The following BOLL variants were observed in gnomAD, a reference collection of about 807,000 sequenced individuals.
BOLL encodes boule RNA binding protein.
Under a neutral mutation model 44.4 loss-of-function variants are expected in BOLL, and 23 were observed. The ratio of observed to expected loss-of-function variants is 0.52; its 90% CI spans 0.37 to 0.73. The LOEUF (loss-of-function observed/expected upper bound fraction) is 0.73. Among genes scored for constraint, BOLL ranks in the 30% least tolerant of loss-of-function variants. The pLI is 0.00. For synonymous variants in BOLL, 97 were observed against 110.8 expected, an observed-to-expected ratio of 0.88 and a Z score of 0.78; for missense variants, 287 against 338.3, an observed-to-expected ratio of 0.85 and a Z score of 1.19.
chr2:197,782,834 T>C (rs1025562842), intron 1 of BOLL, among the ~76,000 whole-genome samples: 5 of 152,196 alleles, frequency 3.3e-5, no homozygotes, highest in African/African-American at 9.7e-5. Flanking sequence ...ACTGATTTTG[T>C]TAAAAAATTA....
chr2:197,754,071 G>T (rs1002721272), intron 9 of BOLL, among the ~76,000 whole-genome samples: 3 of 152,168 alleles, frequency 2.0e-5, no homozygotes, highest in Admixed American at 6.5e-5. Flanking sequence ...TCACTCATAA[G>T]TGGGAGTTGA....
At position 197,743,055 on chromosome 2, in the gene BOLL, T is replaced by C. The variant is rs780404273; in HGVS notation, c.828+6A>G. 1.3e-6 allele frequency: 2 copies of C among 1,550,590 alleles called. No homozygotes were observed. Among genetic ancestry groups the C allele is most frequent in the East Asian group, 2.3e-5 (1 of 43,438 alleles). ...ACAAAGTAAAAAGTCAAAACAAATT[T>C]CTTACTTTAATTGGCTCAGGCTGCA... On this transcript the variant is annotated splice_donor_region_variant and intron_variant, in intron 10 of 10. Transcript: ENST00000392296.
chr2:197,731,487 C>T (rs1451525519), intron 10 of BOLL, among the ~76,000 whole-genome samples: 1 of 141,006 alleles, frequency 7.1e-6, no homozygotes, highest in African/African-American at 2.8e-5. Context: ...ACAGAACTCT[C>T]CACCCCAAAT....
intron 2 of BOLL, among the ~76,000 whole-genome samples, chr2:197,780,609 TA>T (rs1484427682): frequency 6.6e-6 from 1 of 152,086 alleles, no homozygotes; most frequent in East Asian, 1.9e-4. Context: ...TTTCTTACTT[TA>T]TTTTTAGTGA....
chr2:197,734,443 C>T (rs934581178), intron 10 of BOLL, among the ~76,000 whole-genome samples: 1 of 152,120 alleles, frequency 6.6e-6, no homozygotes, highest in Non-Finnish European at 1.5e-5. Flanking sequence ...TACCATTTGA[C>T]CCAGCCATCC....
At chr2:197,751,984 G>A (rs1455547445) in intron 9 of BOLL, among the ~76,000 whole-genome samples, 2 of 152,116 alleles carry the variant, frequency 1.3e-5, no homozygotes, top group Non-Finnish European at 2.9e-5. Flanking sequence ...TGGGATGCAA[G>A]GCTGGTTCAA....
rs768223460 is a variant in BOLL, at chr2:197,728,510, T to C, written c.*45A>G. On this transcript the variant is annotated 3_prime_UTR_variant, in exon 11 of 11. Transcript: ENST00000392296. Reference sequence around the variant, plus strand: ...CTGGATCTCGGCCACGCAAGGATCATTGGACAAGAAATCAGTTGAGCTGGA... The same window carrying C: ...CTGGATCTCGGCCACGCAAGGATCACTGGACAAGAAATCAGTTGAGCTGGA... 1.8e-5 allele frequency: 29 copies of C among 1,614,030 alleles called. No individual in the cohort carries two copies. The South Asian group carries it at 2.6e-4, about 15-fold the overall frequency.
chr2:197,760,105 A>G (rs932661245), intron 7 of BOLL, among the ~76,000 whole-genome samples: 1 of 151,980 alleles, frequency 6.6e-6, no homozygotes, highest in Non-Finnish European at 1.5e-5. Flanking sequence ...GGCTGCTTCC[A>G]GTGGGCATGA....
chr2:197,782,474 C>T (rs1233371790), intron 1 of BOLL, among the ~76,000 whole-genome samples: 2 of 152,178 alleles, frequency 1.3e-5, no homozygotes, highest in Non-Finnish European at 2.9e-5. Flanking sequence ...AGCCTCGATC[C>T]ATTTTTCTTT....
intron 6 of BOLL, among the ~76,000 whole-genome samples, chr2:197,768,117 T>C (rs1341582288): frequency 1.3e-5 from 2 of 152,062 alleles, no homozygotes; most frequent in Admixed American, 1.3e-4. Flanking sequence ...GGAAATGTTA[T>C]TTAAAAAACA....
chr2:197,729,193 T>C lies in BOLL; in HGVS notation c.829-615A>G, dbSNP rs535745249. Among the ~76,000 whole-genome samples, 207 of 152,300 alleles carry C rather than the reference T, an allele frequency of 1.4e-3. 1 individual carries two copies. Among genetic ancestry groups the C allele is most frequent in the African/African-American group, 4.8e-3 (199 of 41,568 alleles). On this transcript the variant is annotated intron_variant, in intron 10 of 10. Coordinates refer to ENST00000392296, the MANE Select transcript of BOLL (RefSeq NM_033030.6). Reference sequence around the variant, plus strand: ...GCAAGGGGTCAGGGAGTTCCCTTTCTGAGTCAAAGAAAGGGGTGATGGACG... The same window carrying C: ...GCAAGGGGTCAGGGAGTTCCCTTTCCGAGTCAAAGAAAGGGGTGATGGACG...
intron 1 of BOLL, among the ~76,000 whole-genome samples, chr2:197,783,605 G>T (rs1689899308): frequency 6.6e-6 from 1 of 152,166 alleles, no homozygotes; most frequent in African/African-American, 2.4e-5. Context: ...ACACAGAAAA[G>T]CCACCACATT....
chr2:197,759,479 C>T (rs186762996), intron 7 of BOLL, among the ~76,000 whole-genome samples: 131 of 152,212 alleles, frequency 8.6e-4, no homozygotes, highest in African/African-American at 3.0e-3. Flanking sequence ...ACCCTGTGAG[C>T]GAAGCTGCTA....
chr2:197,770,669 C>A (rs1689204372), intron 6 of BOLL, among the ~76,000 whole-genome samples: 1 of 152,052 alleles, frequency 6.6e-6, no homozygotes, highest in African/African-American at 2.4e-5. Context: ...CAAACAACCC[C>A]ATCAAAAAGT....
chr2:197,752,234 C>T (rs559774968), intron 9 of BOLL, among the ~76,000 whole-genome samples: 30 of 151,912 alleles, frequency 2.0e-4, no homozygotes, highest in Admixed American at 5.9e-4. Context: ...CCTTGAAAAC[C>T]GGCACAAGAC....
chr2:197,751,932 C>T (rs1249267540), intron 9 of BOLL, among the ~76,000 whole-genome samples: 2 of 152,020 alleles, frequency 1.3e-5, no homozygotes, highest in East Asian at 1.9e-4. Flanking sequence ...TCCAGCAGCA[C>T]ATCAAAAATC....
In BOLL at chr2:197,766,599, C is replaced by G; in HGVS notation, c.485G>C (p.Arg162Pro). ...VTSVPPPWPS[R>P]SVCSSPVMVA... ...CATCACAGGGGAGCTACATACAGAA[C>G]GTGACTATAAAAGGATGGAAAAAGA... Residue 162 changes from arginine to proline, a missense_variant, in exon 7 of 11, where the codon CGT becomes CCT. Coordinates refer to ENST00000392296, the MANE Select transcript of BOLL (RefSeq NM_033030.6). 6.2e-7 allele frequency: 1 copy of G among 1,611,234 alleles called. No homozygotes were observed. Among genetic ancestry groups the G allele is most frequent in the Non-Finnish European group, 8.5e-7 (1 of 1,178,216 alleles).
At chr2:197,771,531 C>T (rs1689260378) in intron 6 of BOLL, among the ~76,000 whole-genome samples, 1 of 151,616 alleles carries the variant, frequency 6.6e-6, no homozygotes, top group Non-Finnish European at 1.5e-5. Context: ...AAATAAAAAC[C>T]ACTAAAGCAG....
At position 197,727,440 on chromosome 2, in the gene BOLL, G is replaced by C. The variant is rs1686897537; in HGVS notation, c.*1115C>G. The C allele has an allele frequency of 6.6e-6, 1 of 152,222 alleles. No individual in the cohort carries two copies. The highest frequency in any genetic ancestry group is 1.5e-5 in the Non-Finnish European group (1 of 68,024). 9.4% of individuals were successfully genotyped at this position (152,222 alleles called of 1,614,324 possible). On this transcript the variant is annotated 3_prime_UTR_variant, in exon 11 of 11. Coordinates refer to ENST00000392296, the MANE Select transcript of BOLL (RefSeq NM_033030.6). ...AAAGAGGAATATTTCCTGTACTACT[G>C]TAGAAATTTTAGAGATTAAAAACCC...
Sources: allele counts gnomAD v4.1 joint callset (sites outside exome capture counted in the v4.1 genomes callset), GRCh38; gene constraint gnomAD v4.1.1; transcripts MANE v1.5; gene names NCBI Gene and HGNC (gene_info 2026-07-23, HGNC 2026-07-21).